NAV1: variants seen among roughly 807,000 people sequenced by gnomAD.
NAV1 encodes the protein neuron navigator 1.
A neutral mutation model predicts 175.2 loss-of-function variants in NAV1; 18 were observed. The ratio of observed to expected loss-of-function variants is 0.10; its 90% CI spans 0.07 to 0.15. NAV1 has a LOEUF of 0.15. NAV1 is among the 10% of genes least tolerant of loss of function. NAV1 has a pLI of 1.00. For synonymous variants in NAV1, 897 were observed against 978.7 expected, an observed-to-expected ratio of 0.92 and a Z score of 1.56; for missense variants, 1,731 against 2,436.6, an observed-to-expected ratio of 0.71 and a Z score of 6.10.
intron 14 of NAV1, 34 bp downstream of exon 18, chr1:201,793,909 T>TGTGGGGGGGGGGGGGGGGGGCCC: frequency 1.9e-6 from 1 of 516,474 alleles, no homozygotes. Context: ...GAGGGGTGGG[T>TGTGGGGGGGGGGGGGGGGGGCCC]GCGGCGAGGG....
In NAV1 at chr1:201,561,833, G is replaced by A. The variant is rs529845873; in HGVS notation, c.-144+22491G>A. 4.3e-4 allele frequency among the ~76,000 whole-genome samples: 66 copies of A among 152,322 alleles called. 1 individual carries two copies. The South Asian group carries it at 8.3e-3, about 19-fold the overall frequency. On this transcript the variant is annotated intron_variant, in intron 1 of 33. Coordinates refer to the NAV1 transcript ENST00000685211. ...GCCTGGGAACTCCCTGCAGGCTGGG[G>A]CTCTGTTCCTCCATCAGATCCCCCA...
intron 1 of NAV1, among the ~76,000 whole-genome samples, chr1:201,554,973 C>T (rs974913988): frequency 5.9e-5 from 9 of 152,178 alleles, no homozygotes; most frequent in Admixed American, 4.6e-4. Flanking sequence ...AGACACATCA[C>T]TCCGATTTCT....
rs372764269 is a variant in NAV1, at chr1:201,726,959, C to T, written c.1226+8204C>T. Among the ~76,000 whole-genome samples, 42 of 152,302 alleles carry T rather than the reference C, an allele frequency of 2.8e-4. No individual in the cohort carries two copies. The South Asian group carries it at 8.3e-3, about 30-fold the overall frequency. On this transcript the variant is annotated intron_variant, in intron 3 of 29. Coordinates refer to ENST00000367296, the Ensembl canonical transcript of NAV1. The stretch of plus-strand genomic sequence containing the variant: ...CATGGTTTAGAGTGAAGGCTCACAG[C>T]TAGGCTGCCTGTGTTTGTGTCCTGT...
chr1:201,660,369 G>C (rs1317129428), intron 1 of NAV1, among the ~76,000 whole-genome samples: 1 of 152,184 alleles, frequency 6.6e-6, no homozygotes, highest in African/African-American at 2.4e-5. Flanking sequence ...GCATCGAGAG[G>C]CTGTTGCTGC....
intron 15 of NAV1, chr1:201,797,302 C>T (rs1677517296): frequency 6.6e-6 from 1 of 152,180 alleles, no homozygotes; most frequent in African/African-American, 2.4e-5. Flanking sequence ...ATATGAGTTT[C>T]ATTCTAGACT....
chr1:201,815,030 ACT>A (rs1247851082), intron 28 of NAV1, among the ~76,000 whole-genome samples: 6 of 141,692 alleles, frequency 4.2e-5, no homozygotes, highest in Non-Finnish European at 7.6e-5. Flanking sequence ...ACAGAGGGAG[ACT>A]CTGTCTCAAA....
intron 1 of NAV1, among the ~76,000 whole-genome samples, chr1:201,684,985 C>T (rs1255733493): frequency 2.0e-5 from 3 of 148,614 alleles, no homozygotes; most frequent in Non-Finnish European, 1.5e-5. Context: ...AAACCCACAA[C>T]CCCAGTTCTG....
rs372675828 is a variant in NAV1, at chr1:201,809,897, C to T, written c.4402-49C>T. ...TAGACATTCTTTGTTGTGGCTTTTA[C>T]ACCTGTGTTTGTATATTTTCTTCTT... On this transcript the variant is annotated intron_variant, in intron 22 of 29. Coordinates refer to ENST00000367296, the Ensembl canonical transcript of NAV1. The T allele has an allele frequency of 6.5e-6, 10 of 1,546,266 alleles. No individual in the cohort carries two copies. In the African/African-American group the frequency reaches 1.4e-4, roughly 21 times the overall value.
chr1:201,614,319 G>C (rs766721333), intron 2 of NAV1, among the ~76,000 whole-genome samples: 6 of 152,212 alleles, frequency 3.9e-5, no homozygotes, highest in Non-Finnish European at 8.8e-5. Context: ...CAGGGCCACT[G>C]CAGGAGGAGC....
In NAV1 at chr1:201,635,235, C is replaced by T. The variant is rs143629349; in HGVS notation, c.4+5728C>T. ...TTTTTTTTTGTATTTTTAGTAGAGA[C>T]GGGGTTTCACTGTGTTAGCCAGGAT... On this transcript the variant is annotated intron_variant, in intron 2 of 29. Transcript: ENST00000367302. Among the ~76,000 whole-genome samples, 129 of 151,196 alleles carry T rather than the reference C, an allele frequency of 8.5e-4. No individual in the cohort carries two copies. The East Asian group carries it at 0.024, about 28-fold the overall frequency.
chr1:201,703,639 C>T (rs1671539316), intron 1 of NAV1, among the ~76,000 whole-genome samples: 1 of 152,228 alleles, frequency 6.6e-6, no homozygotes, highest in African/African-American at 2.4e-5. Context: ...GGAGGTATTG[C>T]TTTCTCCTGG....
At chr1:201,692,902 G>A (rs1671015860) in intron 1 of NAV1, among the ~76,000 whole-genome samples, 1 of 152,260 alleles carries the variant, frequency 6.6e-6, no homozygotes, top group South Asian at 2.1e-4. Context: ...AAGCCAATAG[G>A]GAAGTGGGGT....
At chr1:201,715,441 T>G (rs1672099189) in intron 2 of NAV1, among the ~76,000 whole-genome samples, 1 of 152,226 alleles carries the variant, frequency 6.6e-6, no homozygotes, top group African/African-American at 2.4e-5. Context: ...ATTACAGGTG[T>G]GAGCCACCAC....
At chr1:201,708,360 CT>C in intron 1 of NAV1, among the ~76,000 whole-genome samples, 1 of 152,274 alleles carries the variant, frequency 6.6e-6, no homozygotes, top group Non-Finnish European at 1.5e-5. Context: ...TCATGAGCTC[CT>C]CCCCATAGAC....
intron 29 of NAV1, among the ~76,000 whole-genome samples, 196 bp downstream of exon 33, chr1:201,817,481 A>C (rs571097483): frequency 7.8e-4 from 119 of 152,204 alleles, no homozygotes; most frequent in African/African-American, 2.4e-3. Flanking sequence ...TTAAAAAAAA[A>C]CCCTGAATTC....
intron 2 of NAV1, among the ~76,000 whole-genome samples, chr1:201,591,727 AAGAGC>A (rs1186962062): frequency 6.6e-6 from 1 of 151,942 alleles, no homozygotes; most frequent in African/African-American, 2.4e-5. Context: ...TCTCCCTCTC[AAGAGC>A]ATCTTCTCCC....
exon 30 of NAV1, chr1:201,824,723 T>C (rs1571529330): frequency 6.6e-6 from 1 of 152,116 alleles, no homozygotes; most frequent in Admixed American, 6.6e-5. Context: ...AGGGTGGTCA[T>C]GGAAGTAAGT....
At chr1:201,561,134 C>T (rs996380414) in intron 1 of NAV1, among the ~76,000 whole-genome samples, 1 of 152,180 alleles carries the variant, frequency 6.6e-6, no homozygotes, top group South Asian at 2.1e-4. Context: ...GTGGGTGGGA[C>T]CCCTTGCTAG....
At chr1:201,599,299 G>C (rs1333806660) in intron 2 of NAV1, among the ~76,000 whole-genome samples, 1 of 152,190 alleles carries the variant, frequency 6.6e-6, no homozygotes, top group Non-Finnish European at 1.5e-5. Flanking sequence ...TGCAGGGCCT[G>C]TTTTCAGTGG....
Sources: gnomAD v4.1 joint callset for allele counts (sites outside exome capture counted in the v4.1 genomes callset) on GRCh38, gnomAD v4.1.1 for gene constraint, MANE v1.5 for transcripts, NCBI Gene and HGNC (gene_info 2026-07-23, HGNC 2026-07-21) for gene names.